Variants in TJP1 observed in about 807,000 individuals in gnomAD.
TJP1 encodes the protein tight junction protein 1.
A neutral mutation model predicts 194.2 loss-of-function variants in TJP1; 43 were observed. That is an observed-to-expected ratio of 0.22 (90% confidence interval 0.17 to 0.29). TJP1 has a LOEUF of 0.29. Ranked by LOEUF, TJP1 falls within the 10% of genes least tolerant of loss-of-function variation. The pLI, the probability that TJP1 is intolerant of heterozygous loss-of-function variation, is 1.00. For missense variants in TJP1, 1,971 were observed against 2,185.7 expected, an observed-to-expected ratio of 0.90 and a Z score of 1.96; for synonymous variants, 801 against 779.0, an observed-to-expected ratio of 1.03 and a Z score of -0.47.
In TJP1 at chr15:29,732,417, C is replaced by A; in HGVS notation, c.2017+16G>T. On this transcript the variant is annotated intron_variant, in intron 15 of 27. Transcript: ENST00000614355. ...TAACTCCCAACCTCATTTAAGTTAG[C>A]CTTGAGGCTACTTACTTGCAATTTG... is the stretch of plus-strand genomic sequence containing the variant. 3 of 1,609,816 alleles carry A rather than the reference C, an allele frequency of 1.9e-6. No homozygotes were observed. Among genetic ancestry groups the A allele is most frequent in the Non-Finnish European group, 2.5e-6 (3 of 1,177,730 alleles).
At chr15:29,813,668 C>A (rs1359318758) in intron 1 of TJP1, among the ~76,000 whole-genome samples, 2 of 152,080 alleles carry the variant, frequency 1.3e-5, no homozygotes, top group East Asian at 3.9e-4. Flanking sequence ...AAATGAGAAA[C>A]CTAGAAGACA....
intron 2 of TJP1, among the ~76,000 whole-genome samples, chr15:29,914,099 C>T (rs954151780): frequency 2.6e-5 from 4 of 152,116 alleles, no homozygotes; most frequent in Non-Finnish European, 5.9e-5. Flanking sequence ...TTGGAATAAG[C>T]TGAAGATAGC....
chr15:29,857,514 T>G (rs1441450408), intron 2 of TJP1, among the ~76,000 whole-genome samples: 1 of 152,118 alleles, frequency 6.6e-6, no homozygotes, highest in East Asian at 1.9e-4. Flanking sequence ...TCTTTCTTCT[T>G]GCCACATGGA....
At chr15:29,904,458 C>A (rs891746662) in intron 2 of TJP1, among the ~76,000 whole-genome samples, 1 of 152,018 alleles carries the variant, frequency 6.6e-6, no homozygotes, top group South Asian at 2.1e-4. Flanking sequence ...AAAGTCAAAT[C>A]TCTTCCACTT....
intron 23 of TJP1, among the ~76,000 whole-genome samples, chr15:29,712,015 T>C (rs1428414760): frequency 6.6e-6 from 1 of 152,232 alleles, no homozygotes; most frequent in Non-Finnish European, 1.5e-5. Context: ...AATTGTGCCA[T>C]GTATGTTTAT....
At chr15:29,798,512 C>A (rs937108460) in intron 2 of TJP1, among the ~76,000 whole-genome samples, 1 of 152,060 alleles carries the variant, frequency 6.6e-6, no homozygotes, top group African/African-American at 2.4e-5. Context: ...TTTTAGATTT[C>A]AGATCTGGGA....
At chr15:29,894,647 C>G (rs992496228) in intron 2 of TJP1, among the ~76,000 whole-genome samples, 3 of 152,206 alleles carry the variant, frequency 2.0e-5, no homozygotes, top group African/African-American at 7.2e-5. Context: ...GCCTGCAGCT[C>G]TCCCAGGCTG....
intron 2 of TJP1, among the ~76,000 whole-genome samples, chr15:29,949,484 ACCACCT>A (rs2055487551): frequency 2.2e-5 from 3 of 139,442 alleles, no homozygotes; most frequent in Non-Finnish European, 1.5e-5. Flanking sequence ...CTCCACAACC[ACCACCT>A]CCACCTCCAC....
At chr15:29,916,731 T>C (rs1390431851) in intron 2 of TJP1, among the ~76,000 whole-genome samples, 1 of 152,232 alleles carries the variant, frequency 6.6e-6, no homozygotes, top group Non-Finnish European at 1.5e-5. Flanking sequence ...GGATCCCACA[T>C]TTATAGAGCA....
chr15:29,909,948 T>A (rs1009674319), intron 2 of TJP1, among the ~76,000 whole-genome samples: 1 of 152,220 alleles, frequency 6.6e-6, no homozygotes, highest in African/African-American at 2.4e-5. Context: ...TAAGTCTTCA[T>A]CACTTATCTC....
intron 2 of TJP1, among the ~76,000 whole-genome samples, chr15:29,869,981 G>T (rs1431611899): frequency 2.0e-5 from 3 of 151,296 alleles, no homozygotes; most frequent in African/African-American, 2.4e-5. Context: ...TAATTTTTTT[G>T]TATTTTTAGT....
intron 2 of TJP1, among the ~76,000 whole-genome samples, chr15:29,845,397 C>T (rs1056212071): frequency 3.3e-5 from 5 of 152,026 alleles, no homozygotes; most frequent in South Asian, 2.1e-4. Flanking sequence ...AAAGGAAATA[C>T]GAAACCTCCC....
At chr15:29,699,768 G>C (rs950516848), downstream of TJP1, 1 of 152,684 alleles carries the variant, frequency 6.5e-6, no homozygotes, top group African/African-American at 2.4e-5. Context: ...AAATGTGGGT[G>C]ACATTAAACA....
At chr15:29,721,463 G>A (rs1340668027) in intron 18 of TJP1, among the ~76,000 whole-genome samples, 1 of 152,130 alleles carries the variant, frequency 6.6e-6, no homozygotes, top group African/African-American at 2.4e-5. Flanking sequence ...GGCCTCCCCA[G>A]AAGCAGAAGC....
intron 2 of TJP1, among the ~76,000 whole-genome samples, chr15:29,920,578 A>T (rs1319908898): frequency 1.3e-5 from 2 of 152,136 alleles, no homozygotes; most frequent in African/African-American, 4.8e-5. Context: ...AAACGCTGCA[A>T]TCTCCTTTCC....
intron 2 of TJP1, among the ~76,000 whole-genome samples, chr15:29,887,233 A>C (rs2053144617): frequency 6.7e-6 from 1 of 149,172 alleles, no homozygotes; most frequent in Non-Finnish European, 1.5e-5. Context: ...AATTTTGTTA[A>C]GGTAGAAAAA....
intron 23 of TJP1, 59 bp downstream of exon 23, chr15:29,716,551 TG>T: frequency 8.0e-7 from 1 of 1,247,328 alleles, no homozygotes; most frequent in Admixed American, 2.0e-5. Context: ...CAAAATATAT[TG>T]AACTGCACGG....
intron 8 of TJP1, among the ~76,000 whole-genome samples, chr15:29,753,690 T>A (rs1352931407): frequency 6.6e-6 from 1 of 151,930 alleles, no homozygotes; most frequent in Non-Finnish European, 1.5e-5. Context: ...TGCACATTGG[T>A]CACGGTGTAA....
At chr15:29,794,550 T>C (rs1490048519) in intron 2 of TJP1, among the ~76,000 whole-genome samples, 1 of 152,178 alleles carries the variant, frequency 6.6e-6, no homozygotes, top group African/African-American at 2.4e-5. Flanking sequence ...AGATTCTGTT[T>C]TCTTAATATT....
Sources: allele counts gnomAD v4.1 joint callset (sites outside exome capture counted in the v4.1 genomes callset), GRCh38; gene constraint gnomAD v4.1.1; transcripts MANE v1.5; gene names NCBI Gene and HGNC (gene_info 2026-07-23, HGNC 2026-07-21).